The following UPK1A variants were observed in gnomAD, a reference collection of about 807,000 sequenced individuals.
UPK1A encodes uroplakin-1a.
A neutral mutation model predicts 32.3 loss-of-function variants in UPK1A; 31 were observed. That is an observed-to-expected ratio of 0.96 (90% CI 0.72 to 1.30). The LOEUF (loss-of-function observed/expected upper bound fraction) is 1.30. UPK1A is among the 50% of genes most tolerant of loss of function. The pLI, the probability that UPK1A is intolerant of heterozygous loss-of-function variation, is 0.00. For synonymous variants in UPK1A, 135 were observed against 137.1 expected (o/e 0.98, Z 0.11); for missense variants, 340 against 357.4 (o/e 0.95, Z 0.39).
At chr19:35,677,673 T>G (rs1482892710) in intron 6 of UPK1A, 139 bp from the exon 7 acceptor site, 1 of 1,139,522 alleles carries the variant, frequency 8.8e-7, no homozygotes, top group Admixed American at 2.1e-5. Flanking sequence ...AGGTGGACAG[T>G]GCCATGGTCC....
chr19:35,666,818 G>T, exon 2 of UPK1A: 2 of 1,614,134 alleles, frequency 1.2e-6, no homozygotes, highest in Non-Finnish European at 1.7e-6. Context: ...GGATGATGGC[G>T]TCTGCGGCAG....
At chr19:35,675,313 T>C (rs1244188133) in intron 5 of UPK1A, among the ~76,000 whole-genome samples, 1 of 152,054 alleles carries the variant, frequency 6.6e-6, no homozygotes, top group East Asian at 1.9e-4. Context: ...TGGAGTTTCA[T>C]TCTTGATTCC....
rs1169106128 is a variant in UPK1A at position 35,674,337 on chromosome 19, C to T, written c.468+792C>T. On this transcript the variant is annotated intron_variant, in intron 5 of 7. Transcript: ENST00000617999. Reference sequence around the variant, plus strand: ...TCTCGGCTCACTGCAAGCTCCGCCTCCCGGGTTCACGCTATTCTCCTGCCT... The same window carrying T: ...TCTCGGCTCACTGCAAGCTCCGCCTTCCGGGTTCACGCTATTCTCCTGCCT... Among the ~76,000 whole-genome samples, 3 of 150,324 alleles carry T rather than the reference C, an allele frequency of 2.0e-5. 1 individual carries two copies. Among genetic ancestry groups the T allele is most frequent in the Non-Finnish European group, 3.0e-5 (2 of 67,758 alleles).
exon 8 of UPK1A, chr19:35,678,356 A>G (rs1599634398): frequency 3.9e-6 from 1 of 257,292 alleles, no homozygotes; most frequent in East Asian, 7.3e-5. Flanking sequence ...TGTGATTGCC[A>G]TTTGAGCTCT....
Position 35,666,934 on chromosome 19 carries a change from G to A in UPK1A, c.84+38G>A, listed in dbSNP as rs1298119811. 5 of 1,609,308 alleles carry A rather than the reference G, an allele frequency of 3.1e-6. No individual in the cohort carries two copies. In the African/African-American group the frequency reaches 4.0e-5, roughly 13 times the overall value. ...CCAGTGCTGGGAGCCGAGTGGTTGT[G>A]TGGTGGGGAGGGGACAGTCCTGAGC... On this transcript the variant is annotated intron_variant, in intron 2 of 7. Coordinates refer to ENST00000617999, the Ensembl canonical transcript of UPK1A.
At chr19:35,676,100 T>C (rs2146389321) in intron 6 of UPK1A, 81 bp downstream of exon 6, 1 of 1,439,588 alleles carries the variant, frequency 6.9e-7, no homozygotes, top group Non-Finnish European at 9.4e-7. Flanking sequence ...GATTCTCTCT[T>C]TCTCCCTCCC....
chr19:35,668,256 G>T (rs1348460227), intron 2 of UPK1A, 198 bp from the exon 3 acceptor site: 2 of 651,378 alleles, frequency 3.1e-6, no homozygotes, highest in African/African-American at 1.8e-5. Context: ...GGGCGTGGGG[G>T]TCGGTTGTCT....
chr19:35,668,537 C>A (rs1303260249), exon 3 of UPK1A: 7 of 1,614,186 alleles, frequency 4.3e-6, no homozygotes, highest in Non-Finnish European at 5.1e-6. Flanking sequence ...GAGTCTCAGG[C>A]AAGGATGACG....
chr19:35,668,196 C>G, intron 2 of UPK1A: 1 of 552,416 alleles, frequency 1.8e-6, no homozygotes, highest in Non-Finnish European at 3.3e-6. Flanking sequence ...TCCACTGCTC[C>G]AGCCTTTCCA....
At chr19:35,672,396 G>A (rs931048286) in intron 3 of UPK1A, among the ~76,000 whole-genome samples, 1 of 152,122 alleles carries the variant, frequency 6.6e-6, no homozygotes, top group Non-Finnish European at 1.5e-5. Flanking sequence ...TGAGTAGCTG[G>A]GATTACAGGC....
chr19:35,674,396 GCCACCGCGCCC>G (rs1283535433), intron 5 of UPK1A, among the ~76,000 whole-genome samples: 1 of 151,886 alleles, frequency 6.6e-6, no homozygotes, highest in African/African-American at 2.4e-5. Context: ...ACAGGCGCCT[GCCACCGCGCCC>G]AGCTGATTTT....
At chr19:35,673,329 A>T in intron 4 of UPK1A, 23 bp downstream of exon 4, 15 of 1,613,194 alleles carry the variant, frequency 9.3e-6, no homozygotes, top group Non-Finnish European at 1.3e-5. Context: ...AGGCCTGGGG[A>T]GGGGCCTGAC....
chr19:35,670,582 T>G (rs894500987), intron 3 of UPK1A, among the ~76,000 whole-genome samples: 1 of 107,282 alleles, frequency 9.3e-6, no homozygotes, highest in African/African-American at 3.6e-5. Context: ...ACCTCCCTCC[T>G]TCCTTCCTTC....
chr19:35,675,988 G>T lies in UPK1A; in HGVS notation c.617G>T (p.Arg206Leu), dbSNP rs577633517. 14 of 1,613,474 alleles carry T rather than the reference G, an allele frequency of 8.7e-6. No individual in the cohort carries two copies. The Middle Eastern group carries it at 6.6e-4, about 76-fold the overall frequency. ...ATCCCCCTCAACGAGGAGGGCTGCC[G>T]CCTGGGGCACATGGACTACCTGTTC... Residue 206 changes from arginine (R) to leucine (L), a missense_variant, in exon 6 of 8, where the codon CGC becomes CTC. Physicochemically the swap from Arg to Leu is moderately radical, Grantham distance 102. Transcript: ENST00000617999.
At chr19:35,672,802 A>C (rs1265747700) in intron 3 of UPK1A, among the ~76,000 whole-genome samples, 1 of 151,252 alleles carries the variant, frequency 6.6e-6, no homozygotes, top group Admixed American at 6.6e-5. Context: ...CTGATCTTGA[A>C]CTCCAGGGTT....
chr19:35,669,293 T>A (rs1599629259), intron 3 of UPK1A, among the ~76,000 whole-genome samples: 1 of 152,166 alleles, frequency 6.6e-6, no homozygotes, highest in East Asian at 1.9e-4. Flanking sequence ...GGCTGTGCTC[T>A]TAATCTCTGC....
chr19:35,676,066 T>G, intron 6 of UPK1A, 47 bp downstream of exon 6: 1 of 1,564,882 alleles, frequency 6.4e-7, no homozygotes, highest in South Asian at 1.2e-5. Flanking sequence ...CTGTCTGTCT[T>G]CCTCTGGTCT....
At chr19:35,671,129 C>T (rs192324764) in intron 3 of UPK1A, among the ~76,000 whole-genome samples, 546 of 152,006 alleles carry the variant, frequency 3.6e-3, no homozygotes, top group African/African-American at 0.012. Flanking sequence ...TGGCTCACGC[C>T]TGTAATCCCA....
chr19:35,675,041 CA>C (rs1174443353), intron 5 of UPK1A, among the ~76,000 whole-genome samples: 12,639 of 78,806 alleles, frequency 0.16, 523 homozygotes, highest in East Asian at 0.27. Flanking sequence ...GACTCCGTCT[CA>C]AAAAAAAAAA....
Sources: gnomAD v4.1 joint callset for allele counts (sites outside exome capture counted in the v4.1 genomes callset) on GRCh38, gnomAD v4.1.1 for gene constraint, MANE v1.5 for transcripts, NCBI Gene and HGNC (gene_info 2026-07-23, HGNC 2026-07-21) for gene names.